PEBP4: variants seen among roughly 807,000 people sequenced by gnomAD.
PEBP4 encodes phosphatidylethanolamine binding protein 4, also known as phosphatidylethanolamine-binding protein 4.
In PEBP4, 22 loss-of-function variants were observed where a neutral mutation model predicts 23.9. The observed-to-expected ratio is 0.92, with a 90% confidence interval of 0.66 to 1.31. PEBP4 has a LOEUF of 1.31. Among genes scored for constraint, PEBP4 ranks in the 40% most tolerant of loss-of-function variants. The pLI is 0.00. For synonymous variants in PEBP4, 112 were observed against 99.3 expected (o/e 1.13, Z -0.76); for missense variants, 324 against 281.7 (o/e 1.15, Z -1.07).
chr8:22,847,229 A>G (rs1408447339), intron 3 of PEBP4, among the ~76,000 whole-genome samples: 1 of 152,218 alleles, frequency 6.6e-6, no homozygotes, highest in African/African-American at 2.4e-5. Context: ...GCCCTGGGGC[A>G]GCAGGGTCAG....
At chr8:22,917,110 G>C (rs1368274464) in intron 3 of PEBP4, among the ~76,000 whole-genome samples, 1 of 101,940 alleles carries the variant, frequency 9.8e-6, no homozygotes, top group Non-Finnish European at 1.9e-5. Context: ...GGGCTTTGGA[G>C]TTTGCTGGGG....
At chr8:22,833,207 C>T (rs2128764386) in intron 3 of PEBP4, among the ~76,000 whole-genome samples, 1 of 152,266 alleles carries the variant, frequency 6.6e-6, no homozygotes, top group African/African-American at 2.4e-5. Context: ...GTGTGTCTTA[C>T]CATACCCAAT....
intron 2 of PEBP4, 80 bp from the exon 3 acceptor site, chr8:22,920,390 T>G: frequency 2.8e-6 from 4 of 1,453,688 alleles, no homozygotes; most frequent in Non-Finnish European, 3.7e-6. Flanking sequence ...TCTAGCACTA[T>G]TGGGAATGTA....
intron 4 of PEBP4, among the ~76,000 whole-genome samples, chr8:22,750,966 G>C (rs1355606575): frequency 6.6e-6 from 1 of 152,168 alleles, no homozygotes. Flanking sequence ...TAACTTAATA[G>C]GTTTCTTAAA....
chr8:22,740,747 A>G (rs779866131), intron 4 of PEBP4, among the ~76,000 whole-genome samples: 6 of 152,010 alleles, frequency 3.9e-5, no homozygotes, highest in Non-Finnish European at 8.8e-5. Context: ...GACCCTTCAG[A>G]CAGGTTGGGT....
At chr8:22,925,375 T>C (rs1287441853) in intron 2 of PEBP4, 3 of 962,552 alleles carry the variant, frequency 3.1e-6, no homozygotes, top group Non-Finnish European at 3.7e-6. Context: ...GGAAAGAGCG[T>C]GAGTGTGGAG....
intron 4 of PEBP4, among the ~76,000 whole-genome samples, chr8:22,732,923 T>G (rs1804769523): frequency 6.6e-6 from 1 of 152,148 alleles, no homozygotes; most frequent in Non-Finnish European, 1.5e-5. Flanking sequence ...CAGGGAAAGT[T>G]GTGGCTTGAC....
chr8:22,750,450 G>A (rs1481782523), intron 4 of PEBP4, among the ~76,000 whole-genome samples: 2 of 152,200 alleles, frequency 1.3e-5, no homozygotes, highest in Non-Finnish European at 2.9e-5. Flanking sequence ...CTAGGGGCTT[G>A]GATGTGCATG....
chr8:22,841,258 G>A (rs577002076), intron 3 of PEBP4, among the ~76,000 whole-genome samples: 6 of 152,384 alleles, frequency 3.9e-5, no homozygotes, highest in Middle Eastern at 3.4e-3. Context: ...ACTCTCTTCT[G>A]TGGCCCTTTG....
chr8:22,881,086 G>T (rs1461663550), intron 3 of PEBP4, among the ~76,000 whole-genome samples: 1 of 152,230 alleles, frequency 6.6e-6, no homozygotes, highest in Admixed American at 6.5e-5. Flanking sequence ...TAAAGTGCAG[G>T]AGGGAAGAAG....
chr8:22,779,732 G>C (rs188482758), intron 4 of PEBP4, among the ~76,000 whole-genome samples: 1 of 152,314 alleles, frequency 6.6e-6, no homozygotes. Flanking sequence ...GGAAAGTCAG[G>C]TCTGGAAGAG....
At chr8:22,748,546 G>A (rs1585251535) in intron 4 of PEBP4, among the ~76,000 whole-genome samples, 3 of 151,834 alleles carry the variant, frequency 2.0e-5, no homozygotes, top group Admixed American at 2.0e-4. Context: ...GGCTCCACTT[G>A]CTCTTCTCCC....
intron 3 of PEBP4, among the ~76,000 whole-genome samples, chr8:22,819,708 G>A (rs1363064211): frequency 2.0e-5 from 3 of 152,068 alleles, no homozygotes; most frequent in Admixed American, 1.3e-4. Context: ...CGGGGTTCAC[G>A]CCATTCTCCT....
chr8:22,933,401 G>T lies in PEBP4; in HGVS notation c.145-5681C>A, dbSNP rs915635263. On this transcript the variant is annotated intron_variant, in intron 1 of 1. Coordinates refer to the PEBP4 transcript ENST00000522278. ...CAAACTGTTGGAAGCCAAAGACAAAGAGAGAATTTTGAAAGCAATAAGAGA... is the reference window on the plus strand; with the variant it reads ...CAAACTGTTGGAAGCCAAAGACAAATAGAGAATTTTGAAAGCAATAAGAGA... 2.0e-5 allele frequency among the ~76,000 whole-genome samples: 3 copies of T among 152,312 alleles called. No homozygotes were observed. In the East Asian group the frequency reaches 5.8e-4, roughly 29 times the overall value.
intron 4 of PEBP4, among the ~76,000 whole-genome samples, chr8:22,759,154 G>C (rs1187384204): frequency 1.3e-5 from 2 of 152,154 alleles, no homozygotes; most frequent in African/African-American, 4.8e-5. Context: ...GGGTAGACGT[G>C]AGGCGCTGCA....
intron 6 of PEBP4, 68 bp downstream of exon 6, chr8:22,724,775 A>C: frequency 8.0e-7 from 1 of 1,253,534 alleles, no homozygotes; most frequent in Non-Finnish European, 1.2e-6. Context: ...TTCCCCGTAA[A>C]TGCCTGAAGC....
intron 3 of PEBP4, among the ~76,000 whole-genome samples, chr8:22,909,673 G>A (rs1044881986): frequency 1.3e-5 from 2 of 152,200 alleles, no homozygotes; most frequent in African/African-American, 2.4e-5. Context: ...GCAGTACTGT[G>A]GAGTGGTTAG....
Position 22,766,732 on chromosome 8 carries a change from T to C in PEBP4, c.358-39512A>G, listed in dbSNP as rs116168065. Among the ~76,000 whole-genome samples the C allele has an allele frequency of 4.3e-3, 655 of 152,310 alleles. 8 individuals carry two copies. Among genetic ancestry groups the C allele is most frequent in the African/African-American group, 0.014 (600 of 41,550 alleles). On this transcript the variant is annotated intron_variant, in intron 4 of 6. Coordinates refer to ENST00000256404, the MANE Select transcript of PEBP4 (RefSeq NM_144962.3). ...AATCCAATATGAAGATGGTTCTTTC[T>C]TTCTCTAACACTTTACTGCATGCCC... is the stretch of plus-strand genomic sequence containing the variant.
At chr8:22,738,837 GCA>G (rs1804926862) in intron 4 of PEBP4, among the ~76,000 whole-genome samples, 1 of 152,068 alleles carries the variant, frequency 6.6e-6, no homozygotes, top group Non-Finnish European at 1.5e-5. Context: ...ATATCCACAT[GCA>G]CAGACACTCA....
Sources: allele counts gnomAD v4.1 joint callset (sites outside exome capture counted in the v4.1 genomes callset), GRCh38; gene constraint gnomAD v4.1.1; transcripts MANE v1.5; gene names NCBI Gene and HGNC (gene_info 2026-07-23, HGNC 2026-07-21).